Variants in SGPL1 observed in about 807,000 individuals in gnomAD.
SGPL1 encodes SP-lyase 1.
A neutral mutation model predicts 68.9 loss-of-function variants in SGPL1; 37 were observed. That is an observed-to-expected ratio of 0.54 (90% confidence interval 0.41 to 0.71). The LOEUF is 0.71. Among genes scored for constraint, SGPL1 ranks in the 30% least tolerant of loss-of-function variants. The pLI is 0.00. For missense variants in SGPL1, 551 were observed against 704.6 expected (o/e 0.78, Z 2.47); for synonymous variants, 236 against 248.5 (o/e 0.95, Z 0.47).
intron 2 of SGPL1, among the ~76,000 whole-genome samples, chr10:70,837,416 T>C (rs1845643260): frequency 1.3e-5 from 2 of 152,206 alleles, no homozygotes; most frequent in South Asian, 2.1e-4. Context: ...CTTCACTCTT[T>C]CCTGTGCATG....
chr10:70,862,707 A>G (rs1156564121), intron 7 of SGPL1, among the ~76,000 whole-genome samples: 1 of 151,892 alleles, frequency 6.6e-6, no homozygotes, highest in Non-Finnish European at 1.5e-5. Flanking sequence ...GAGCTGTAAC[A>G]CTCACTGTGA....
In SGPL1 at chr10:70,857,619, T is replaced by C. The variant is rs769866866; in HGVS notation, c.415T>C (p.Phe139Leu). 1 of 1,613,134 alleles carries C rather than the reference T, an allele frequency of 6.2e-7. No individual in the cohort carries two copies. Among genetic ancestry groups the C allele is most frequent in the Admixed American group, 1.7e-5 (1 of 59,990 alleles). ...KLKEYSSMDA[F>L]WQEGRASGTV... The stretch of plus-strand genomic sequence containing the variant: ...GACCTTACCTTTCTCTGCAGACGCC[T>C]TCTGGCAAGAGGGGAGAGCCTCTGG... The change falls in exon 6 of 15, where the codon TTC becomes CTC. Residue 139 changes from phenylalanine (F) to leucine (L), a missense_variant. Transcript: ENST00000373202.
chr10:70,846,660 A>G (rs752776118), intron 3 of SGPL1, among the ~76,000 whole-genome samples: 5 of 152,204 alleles, frequency 3.3e-5, no homozygotes, highest in Non-Finnish European at 5.9e-5. Flanking sequence ...AATGTACTAC[A>G]ATTCAAAGGT....
At chr10:70,859,047 G>C (rs796137845) in intron 6 of SGPL1, among the ~76,000 whole-genome samples, 1 of 152,182 alleles carries the variant, frequency 6.6e-6, no homozygotes, top group Non-Finnish European at 1.5e-5. Context: ...CAACTTCTGC[G>C]TATGAAGAAA....
In SGPL1 at chr10:70,859,462, G is replaced by C. The variant is rs748711627; in HGVS notation, c.578G>C (p.Cys193Ser). Reference sequence around the variant, plus strand: ...GAGGCAGAAATCGTGAGGATAGCTTGTTCCCTGTTCAATGGGGGACCAGAT... The same window carrying C: ...GAGGCAGAAATCGTGAGGATAGCTTCTTCCCTGTTCAATGGGGGACCAGAT... ...KIEAEIVRIA[C>S]SLFNGGPDSC... The change falls in exon 7 of 15, where the codon TGT becomes TCT. Residue 193 changes from cysteine (C) to serine (S), a missense_variant. By Grantham distance (112) the Cys-to-Ser change is moderately radical. Coordinates refer to ENST00000373202, the MANE Select transcript of SGPL1 (RefSeq NM_003901.4). The C allele has an allele frequency of 1.3e-5, 20 of 1,557,194 alleles. No homozygotes were observed. Among genetic ancestry groups the C allele is most frequent in the African/African-American group, 2.8e-5 (2 of 72,574 alleles).
intron 3 of SGPL1, among the ~76,000 whole-genome samples, chr10:70,846,847 A>G (rs191920021): frequency 6.6e-6 from 1 of 152,222 alleles, no homozygotes; most frequent in Admixed American, 6.5e-5. Context: ...ACATTGTGAA[A>G]TGGGTAAATT....
intron 9 of SGPL1, 58 bp from the exon 10 acceptor site, chr10:70,870,990 G>A (rs1846284554): frequency 6.8e-7 from 1 of 1,470,004 alleles, no homozygotes; most frequent in Middle Eastern, 1.7e-4. Flanking sequence ...CTTGGCAGCA[G>A]AAGAGAAGAG....
At chr10:70,837,022 A>T (rs1845637159) in intron 2 of SGPL1, among the ~76,000 whole-genome samples, 1 of 151,808 alleles carries the variant, frequency 6.6e-6, no homozygotes, top group South Asian at 2.1e-4. Context: ...AATTTAAAAG[A>T]TAAAATTATT....
intron 10 of SGPL1, 83 bp from the exon 11 acceptor site, chr10:70,871,754 C>A: frequency 1.5e-6 from 2 of 1,326,502 alleles, no homozygotes; most frequent in Non-Finnish European, 2.1e-6. Context: ...GTGTTTATAG[C>A]CCATCTTTCC....
intron 2 of SGPL1, among the ~76,000 whole-genome samples, chr10:70,832,515 C>G (rs902704116): frequency 1.3e-5 from 2 of 152,228 alleles, no homozygotes; most frequent in African/African-American, 4.8e-5. Context: ...CAGCTAACCT[C>G]TGCCCTTCCC....
Position 70,873,519 on chromosome 10 carries a change from C to T in SGPL1, c.1228C>T (p.His410Tyr). 1.2e-6 allele frequency: 2 copies of T among 1,614,242 alleles called. No individual in the cohort carries two copies. The highest frequency in any genetic ancestry group is 1.1e-5 in the South Asian group (1 of 91,086). The part of the protein sequence containing the change: ...ISAACWAALM[H>Y]FGENGYVEAT... ...CGCAGCCTGTTGGGCTGCCTTGATG[C>T]ACTTCGGTGAGAACGGCTATGTTGA... Residue 410 changes from histidine (H) to tyrosine (Y), a missense_variant, in exon 12 of 15, where the codon CAC becomes TAC. Physicochemically the swap from His to Tyr is moderately conservative, Grantham distance 83. Transcript: ENST00000373202.
At chr10:70,829,565 C>G (rs1271312762) in intron 2 of SGPL1, among the ~76,000 whole-genome samples, 1 of 152,000 alleles carries the variant, frequency 6.6e-6, no homozygotes, top group African/African-American at 2.4e-5. Context: ...TGTGAGTGGA[C>G]GATGGTATCT....
At chr10:70,875,723 G>A (rs539861152) in intron 13 of SGPL1, among the ~76,000 whole-genome samples, 175 bp downstream of exon 13, 2 of 152,312 alleles carry the variant, frequency 1.3e-5, no homozygotes, top group Non-Finnish European at 2.9e-5. Context: ...CAAAGAACAA[G>A]ACCATTAGCT....
intron 11 of SGPL1, among the ~76,000 whole-genome samples, chr10:70,872,762 A>G (rs1564632033): frequency 6.6e-6 from 1 of 152,128 alleles, no homozygotes; most frequent in Admixed American, 6.5e-5. Flanking sequence ...CCATTTCTGG[A>G]TGGTTCAGGT....
chr10:70,870,914 CA>C, intron 9 of SGPL1, 133 bp from the exon 10 acceptor site: 1 of 687,874 alleles, frequency 1.5e-6, no homozygotes, highest in Non-Finnish European at 2.6e-6. Flanking sequence ...AGTCTTCTCC[CA>C]GTTGGAGTGG....
intron 11 of SGPL1, among the ~76,000 whole-genome samples, chr10:70,873,079 A>C (rs931101055): frequency 6.6e-6 from 1 of 152,222 alleles, no homozygotes; most frequent in Non-Finnish European, 1.5e-5. Flanking sequence ...GGTAAACCAC[A>C]TGCTGGGCAA....
chr10:70,826,301 A>ATTCCCATTCCATTCC (rs1351639178), intron 2 of SGPL1, among the ~76,000 whole-genome samples: 12 of 152,288 alleles, frequency 7.9e-5, no homozygotes, highest in African/African-American at 2.6e-4. Context: ...CATTCCATTC[A>ATTCCCATTCCATTCC]TTCCCATTCC....
At chr10:70,836,556 CCCTTTG>C (rs993431259) in intron 2 of SGPL1, among the ~76,000 whole-genome samples, 99 of 152,136 alleles carry the variant, frequency 6.5e-4, no homozygotes, top group African/African-American at 2.2e-3. Context: ...TCCCTCTCCT[CCCTTTG>C]CCTTTGCCTT....
chr10:70,855,850 T>C (rs1158441541), intron 5 of SGPL1, among the ~76,000 whole-genome samples: 1 of 152,182 alleles, frequency 6.6e-6, no homozygotes, highest in African/African-American at 2.4e-5. Context: ...AAAATTAACA[T>C]TGGTACAGTG....
Sources: gnomAD v4.1 joint callset for allele counts (sites outside exome capture counted in the v4.1 genomes callset) on GRCh38, gnomAD v4.1.1 for gene constraint, MANE v1.5 for transcripts, NCBI Gene and HGNC (gene_info 2026-07-23, HGNC 2026-07-21) for gene names.